Variants in BFSP1 observed in about 807,000 individuals in gnomAD.
BFSP1 encodes beaded filament structural protein 1, also known as filensin.
BFSP1 carries 38 observed loss-of-function variants against 43.9 expected under a neutral mutation model. The ratio of observed to expected loss-of-function variants is 0.87; its 90% CI spans 0.67 to 1.14. The LOEUF is 1.14. Ranked by LOEUF, BFSP1 falls within the 50% of genes most tolerant of loss-of-function variation. The pLI is 0.00. For missense variants in BFSP1, 850 were observed against 875.1 expected, an observed-to-expected ratio of 0.97 and a Z score of 0.36; for synonymous variants, 352 against 354.8, an observed-to-expected ratio of 0.99 and a Z score of 0.09.
At position 17,525,222 on chromosome 20, in the gene BFSP1, T is replaced by C. The variant is rs1449840907; in HGVS notation, c.378-314A>G. ...CCCCAAGGATGAGGGAATTATATCC[T>C]AGCCTATCTATAACCCAAGTGCAGC... On this transcript the variant is annotated intron_variant, in intron 1 of 7. Transcript: ENST00000377873. The surrounding 1 kb of genome is among the most constrained non-coding windows in gnomAD (Gnocchi z 4.2). Among the ~76,000 whole-genome samples the C allele has an allele frequency of 6.6e-6, 1 of 152,146 alleles. No homozygotes were observed. The highest frequency in any genetic ancestry group is 1.5e-5 in the Non-Finnish European group (1 of 68,016).
At chr20:17,553,033 A>G (rs2034920706) in intron 1 of BFSP1, among the ~76,000 whole-genome samples, 1 of 152,220 alleles carries the variant, frequency 6.6e-6, no homozygotes, top group African/African-American at 2.4e-5. Flanking sequence ...GAAGAAGTCT[A>G]AGAACTTAGT....
chr20:17,567,585 C>T (rs370991501), intron 1 of BFSP1, among the ~76,000 whole-genome samples: 11 of 152,156 alleles, frequency 7.2e-5, no homozygotes, highest in East Asian at 3.9e-4. Context: ...GGTGGCCGGG[C>T]GCTCGGTGTC....
chr20:17,558,752 G>C (rs1255512605), exon 1 of BFSP1: 3 of 1,549,708 alleles, frequency 1.9e-6, no homozygotes, highest in Non-Finnish European at 2.6e-6. Context: ...CACATCCAAG[G>C]TGTGCTGCCT....
chr20:17,547,306 C>CA (rs978267972), intron 1 of BFSP1, among the ~76,000 whole-genome samples: 4 of 152,174 alleles, frequency 2.6e-5, no homozygotes, highest in African/African-American at 9.6e-5. Context: ...CTTAAGGAGA[C>CA]AGGGCCAAAG....
rs1476681547 is a variant in BFSP1, at chr20:17,539,119, T to C, written c.3-14211A>G. Among the ~76,000 whole-genome samples, 10 of 141,828 alleles carry C rather than the reference T, an allele frequency of 7.1e-5. 1 individual carries two copies. In the East Asian group the frequency reaches 2.0e-3, roughly 29 times the overall value. 93.0% of individuals were successfully genotyped at this position (141,828 alleles called of 152,430 possible). On this transcript the variant is annotated intron_variant, in intron 1 of 7. Transcript: ENST00000377868. ...TATTTCTTCTTCTTTTTTTTTTTTT[T>C]TTTTTTTTTTTTGCAATGGGGTCTT...
Position 17,531,243 on chromosome 20 carries a change from G to T in BFSP1, c.87C>A (p.Arg29=). The T allele has an allele frequency of 7.1e-7, 1 of 1,413,130 alleles. No homozygotes were observed. The highest frequency in any genetic ancestry group is 9.2e-7 in the Non-Finnish European group (1 of 1,083,912). The allele number at this position is 1,413,130 out of a possible 1,614,324, so 87.5% of individuals were successfully genotyped here. Residue 29 remains arginine (R), a synonymous_variant, in exon 1 of 8, where the codon CGC becomes CGA. Coordinates refer to ENST00000377873, the MANE Select transcript of BFSP1 (RefSeq NM_001195.5). ...DEASRAAEPE[R]PADEGWAGAT... is the part of the protein sequence containing the mutation. ...CCCCAGCCCAGCCCTCGTCGGCCGGGCGCTCGGGCTCGGCGGCGCGCGAAG... is the reference window on the plus strand; with the variant it reads ...CCCCAGCCCAGCCCTCGTCGGCCGGTCGCTCGGGCTCGGCGGCGCGCGAAG...
At chr20:17,529,406 A>G (rs1190316112) in intron 1 of BFSP1, among the ~76,000 whole-genome samples, 4 of 152,116 alleles carry the variant, frequency 2.6e-5, no homozygotes, top group Non-Finnish European at 5.9e-5. Flanking sequence ...AAAGATATAA[A>G]AAGATGTTCT....
chr20:17,516,915 A>C (rs2034212318), intron 2 of BFSP1: 1 of 696,834 alleles, frequency 1.4e-6, no homozygotes, highest in African/African-American at 1.8e-5. Flanking sequence ...TACGATAGAA[A>C]ATATAAAGGC....
chr20:17,499,402 G>GAT (rs1568681697), intron 5 of BFSP1, among the ~76,000 whole-genome samples: 7 of 129,654 alleles, frequency 5.4e-5, no homozygotes, highest in African/African-American at 1.9e-4. Context: ...AACATGCTGG[G>GAT]CTTTTTTTTT....
intron 1 of BFSP1, among the ~76,000 whole-genome samples, chr20:17,526,570 A>G (rs926871611): frequency 3.9e-5 from 6 of 152,204 alleles, no homozygotes; most frequent in African/African-American, 1.4e-4. Context: ...TTCCTTTGTC[A>G]GTGGACACTT....
chr20:17,536,341 G>A (rs1240497501), upstream of BFSP1, among the ~76,000 whole-genome samples: 11 of 152,036 alleles, frequency 7.2e-5, no homozygotes, highest in African/African-American at 2.2e-4. Flanking sequence ...GCTTGAGCCC[G>A]GAAGTTCAAG....
chr20:17,567,784 C>T (rs1462416110), intron 1 of BFSP1, among the ~76,000 whole-genome samples: 1 of 151,500 alleles, frequency 6.6e-6, no homozygotes, highest in Non-Finnish European at 1.5e-5. Context: ...TCGCTTGAAC[C>T]CGAGAGGCGG....
chr20:17,550,941 A>G (rs2034887218), intron 1 of BFSP1, among the ~76,000 whole-genome samples: 2 of 152,128 alleles, frequency 1.3e-5, no homozygotes, highest in South Asian at 4.1e-4. Flanking sequence ...CAGTTTTACG[A>G]TGGAGTTGAT....
At chr20:17,548,683 A>T (rs1460682216) in intron 1 of BFSP1, among the ~76,000 whole-genome samples, 1 of 152,242 alleles carries the variant, frequency 6.6e-6, no homozygotes, top group Admixed American at 6.5e-5. Flanking sequence ...TTAAAAAATC[A>T]GTCTAAAAGC....
intron 7 of BFSP1, among the ~76,000 whole-genome samples, chr20:17,495,942 C>A (rs554143766): frequency 6.6e-6 from 1 of 152,208 alleles, no homozygotes; most frequent in African/African-American, 2.4e-5. Flanking sequence ...ACATGGGTCA[C>A]AAAGCCACAG....
Position 17,494,265 on chromosome 20 carries a change from T to C in BFSP1, c.1807A>G (p.Thr603Ala). Reference sequence around the variant, plus strand: ...TTTTCTGGCAGGCTTCTGCTCCTAGTCCCAAGCACCTCAGCTCCATCCTGA... The same window carrying C: ...TTTTCTGGCAGGCTTCTGCTCCTAGCCCCAAGCACCTCAGCTCCATCCTGA... Reference protein sequence around the residue: ...ADQDGAEVLGTRSRSLPEKGP... With the variant: ...ADQDGAEVLGARSRSLPEKGP... Residue 603 changes from threonine to alanine, a missense_variant, in exon 8 of 8, where the codon ACT becomes GCT. Physicochemically the swap from Thr to Ala is moderately conservative, Grantham distance 58. Transcript: ENST00000377873. 7 of 1,614,190 alleles carry C rather than the reference T, an allele frequency of 4.3e-6. No homozygotes were observed. Among genetic ancestry groups the C allele is most frequent in the Non-Finnish European group, 5.9e-6 (7 of 1,180,028 alleles).
chr20:17,497,410 A>G (rs6136121), intron 6 of BFSP1, among the ~76,000 whole-genome samples: 20,901 of 149,454 alleles, frequency 0.14, 1,494 homozygotes, highest in East Asian at 0.17. Flanking sequence ...ACAGAGTATG[A>G]TATCTCCAAC....
chr20:17,545,533 A>G (rs1174605917), intron 1 of BFSP1, among the ~76,000 whole-genome samples: 1 of 152,244 alleles, frequency 6.6e-6, no homozygotes, highest in African/African-American at 2.4e-5. Context: ...CCAAGGTGTT[A>G]GAGAAGCAGG....
upstream of BFSP1, chr20:17,560,771 G>C (rs2035059968): frequency 6.6e-6 from 1 of 152,342 alleles, no homozygotes; most frequent in Non-Finnish European, 1.5e-5. Context: ...GTTGCAGCGG[G>C]TGAGGCAGAA....
Sources: allele counts gnomAD v4.1 joint callset (sites outside exome capture counted in the v4.1 genomes callset), GRCh38; gene constraint gnomAD v4.1.1; non-coding constraint Gnocchi (gnomAD v3.1); transcripts MANE v1.5; gene names NCBI Gene and HGNC (gene_info 2026-07-23, HGNC 2026-07-21).